The following AGAP1 variants were observed in gnomAD, a reference collection of about 807,000 sequenced individuals.
AGAP1 encodes arf-GAP with GTPase, ANK repeat and PH domain-containing protein 1.
A neutral mutation model predicts 105.3 loss-of-function variants in AGAP1; 29 were observed. That is an observed-to-expected ratio of 0.28 (90% CI 0.21 to 0.38). The LOEUF is 0.38. AGAP1 is among the 10% of genes least tolerant of loss of function. The probability of loss-of-function intolerance (pLI) is 1.00; values close to 1 mark genes in which losing one functional copy is unlikely to be tolerated. For synonymous variants in AGAP1, 509 were observed against 485.9 expected (o/e 1.05, Z -0.63); for missense variants, 998 against 1,165.1 (o/e 0.86, Z 2.09).
chr2:235,825,902 G>A (rs748960230), intron 9 of AGAP1, among the ~76,000 whole-genome samples: 15 of 152,092 alleles, frequency 9.9e-5, no homozygotes, highest in Non-Finnish European at 2.1e-4. Flanking sequence ...ATGAGAGGAT[G>A]GAGACCTTAT....
In AGAP1 at chr2:235,845,536, G is replaced by T. The variant is rs1179011493; in HGVS notation, c.1051-37809G>T. On this transcript the variant is annotated intron_variant, in intron 9 of 17. Transcript: ENST00000304032. The surrounding 1 kb of genome is among the most constrained non-coding windows in gnomAD (Gnocchi z 4.8). Reference sequence around the variant, plus strand: ...GTGGGGTCACCACTATCCACCGACAGCCCAGCCGGTCGACAGCAGACCTTT... The same window carrying T: ...GTGGGGTCACCACTATCCACCGACATCCCAGCCGGTCGACAGCAGACCTTT... Among the ~76,000 whole-genome samples the T allele has an allele frequency of 2.0e-5, 3 of 152,042 alleles. No individual in the cohort carries two copies. Among genetic ancestry groups the T allele is most frequent in the Non-Finnish European group, 4.4e-5 (3 of 68,000 alleles).
intron 1 of AGAP1, among the ~76,000 whole-genome samples, chr2:235,687,587 G>A (rs1468350440): frequency 6.6e-5 from 10 of 152,186 alleles, no homozygotes; most frequent in Non-Finnish European, 4.4e-5. Context: ...TAAACATGCA[G>A]ATAAAAACTT....
intron 5 of AGAP1, among the ~76,000 whole-genome samples, chr2:235,748,293 G>A (rs761559037): frequency 6.6e-6 from 1 of 152,168 alleles, no homozygotes; most frequent in African/African-American, 2.4e-5. Context: ...GGGATTGCTC[G>A]GCCGCAGGTC....
intron 1 of AGAP1, among the ~76,000 whole-genome samples, chr2:235,585,807 G>C (rs1437894736): frequency 6.6e-6 from 1 of 152,140 alleles, no homozygotes; most frequent in Non-Finnish European, 1.5e-5. Context: ...CTTACCTTCT[G>C]CTGCTGTGTT....
Position 236,095,301 on chromosome 2 carries a change from G to A in AGAP1, c.2115-24891G>A, listed in dbSNP as rs1471102201. Among the ~76,000 whole-genome samples the A allele has an allele frequency of 4.0e-5, 6 of 151,820 alleles. No individual in the cohort carries two copies. The highest frequency in any genetic ancestry group is 8.8e-5 in the Non-Finnish European group (6 of 67,910). Reference sequence around the variant, plus strand: ...GGTCCCAGCTACTCGGGAGGCTGAGGTGGGAGGATCACTGGAGCCCAGGAA... The same window carrying A: ...GGTCCCAGCTACTCGGGAGGCTGAGATGGGAGGATCACTGGAGCCCAGGAA... On this transcript the variant is annotated intron_variant, in intron 16 of 17. Transcript: ENST00000304032. This position sits in a 1 kb window ranked among gnomAD's most constrained non-coding sequence, Gnocchi z 4.1.
At chr2:235,811,404 T>C (rs775920684) in intron 9 of AGAP1, among the ~76,000 whole-genome samples, 15 of 152,212 alleles carry the variant, frequency 9.9e-5, no homozygotes, top group Non-Finnish European at 2.1e-4. Context: ...AGCGTATCAT[T>C]TTTACTTGGT....
intron 1 of AGAP1, among the ~76,000 whole-genome samples, chr2:235,539,439 A>G (rs540482735): frequency 6.6e-6 from 1 of 152,260 alleles, no homozygotes; most frequent in South Asian, 2.1e-4. Flanking sequence ...CTGCCTTGTG[A>G]GGGGTGCTGG....
At chr2:235,669,639 C>CCGCGT (rs1435414922) in intron 1 of AGAP1, 2 of 148,926 alleles carry the variant, frequency 1.3e-5, no homozygotes, top group African/African-American at 2.4e-5. Flanking sequence ...CCGCCGCCCG[C>CCGCGT]CACCCGCCAC....
rs932559868 is a variant in AGAP1 at position 235,789,612 on chromosome 2, G to C, written c.674-8147G>C. On this transcript the variant is annotated intron_variant, in intron 6 of 17. Transcript: ENST00000304032. The surrounding 1 kb of genome is among the most constrained non-coding windows in gnomAD (Gnocchi z 4.2). Reference sequence around the variant, plus strand: ...AACCACAGCCTATTTTAGATTAGAGGGTTGTTTGCTCAAAAAAAAAATACA... The same window carrying C: ...AACCACAGCCTATTTTAGATTAGAGCGTTGTTTGCTCAAAAAAAAAATACA... Among the ~76,000 whole-genome samples, 3 of 151,540 alleles carry C rather than the reference G, an allele frequency of 2.0e-5. No individual in the cohort carries two copies. The highest frequency in any genetic ancestry group is 7.3e-5 in the African/African-American group (3 of 41,030).
intron 13 of AGAP1, among the ~76,000 whole-genome samples, chr2:235,984,875 C>T (rs557840649): frequency 1.3e-5 from 2 of 152,080 alleles, no homozygotes; most frequent in East Asian, 1.9e-4. Flanking sequence ...GGGTTTGTTC[C>T]ATGTCTTTGC....
Position 236,042,395 on chromosome 2 carries a change from C to T in AGAP1, c.1891+1554C>T, listed in dbSNP as rs561278233. Among the ~76,000 whole-genome samples the T allele has an allele frequency of 6.6e-6, 1 of 152,294 alleles. No homozygotes were observed. The highest frequency in any genetic ancestry group is 1.9e-4 in the East Asian group (1 of 5,180). On this transcript the variant is annotated intron_variant, in intron 15 of 17. Coordinates refer to ENST00000304032, the MANE Select transcript of AGAP1 (RefSeq NM_001037131.3). The surrounding 1 kb of genome is among the most constrained non-coding windows in gnomAD (Gnocchi z 5.6). The stretch of plus-strand genomic sequence containing the variant: ...GTTCTTCTCCAGGTATCTTGAGGTT[C>T]TTCTTTAAAGTACCTCCTTATGTTT...
rs5839611 is a variant in AGAP1 at position 235,889,546 on chromosome 2, C to CTTTT, written c.1155+6110_1155+6113dup. 7.1e-5 allele frequency among the ~76,000 whole-genome samples: 10 copies of CTTTT among 140,978 alleles called. No homozygotes were observed. The highest frequency in any genetic ancestry group is 7.7e-5 in the Non-Finnish European group (5 of 64,846). The allele number at this position is 140,978 out of a possible 152,430, so 92.5% of individuals were successfully genotyped here. On this transcript the variant is annotated intron_variant, in intron 10 of 17. Coordinates refer to ENST00000304032, the MANE Select transcript of AGAP1 (RefSeq NM_001037131.3). This position sits in a 1 kb window ranked among gnomAD's most constrained non-coding sequence, Gnocchi z 4.6. ...CGTCATCCCCCAAAAGTGTCTTTGC[C>CTTTT]TTTTTTTTTTTTTTTTAGCCCTGAG...
At position 235,557,135 on chromosome 2, in the gene AGAP1, C is replaced by T. The variant is rs1667496281; in HGVS notation, c.163+62286C>T. On this transcript the variant is annotated intron_variant, in intron 1 of 17. Transcript: ENST00000304032. The surrounding 1 kb of genome is among the most constrained non-coding windows in gnomAD (Gnocchi z 4.7). ...GGTCTGGTTGTCTTGCTGACCTGGT[C>T]TGCCTCCTGCTTGCTTCCATAGCAG... Among the ~76,000 whole-genome samples the T allele has an allele frequency of 6.6e-6, 1 of 151,984 alleles. No individual in the cohort carries two copies. The highest frequency in any genetic ancestry group is 2.4e-5 in the African/African-American group (1 of 41,366).
chr2:235,857,634 A>C (rs1395632151), intron 9 of AGAP1, among the ~76,000 whole-genome samples: 1 of 152,338 alleles, frequency 6.6e-6, no homozygotes, highest in Non-Finnish European at 1.5e-5. Context: ...CTGTTTCTCC[A>C]CATATACACC....
intron 1 of AGAP1, among the ~76,000 whole-genome samples, chr2:235,648,818 C>T (rs569186544): frequency 1.3e-5 from 2 of 150,900 alleles, no homozygotes; most frequent in Non-Finnish European, 2.9e-5. Context: ...ACCTGGGAGG[C>T]GGAGGTTGCA....
chr2:236,071,607 T>C (rs1179039380), intron 16 of AGAP1, among the ~76,000 whole-genome samples: 1 of 152,210 alleles, frequency 6.6e-6, no homozygotes, highest in Non-Finnish European at 1.5e-5. Flanking sequence ...GAATCTGCAG[T>C]GCGATGCAGG....
chr2:235,878,955 C>G (rs57189949), intron 9 of AGAP1, among the ~76,000 whole-genome samples: 3 of 152,182 alleles, frequency 2.0e-5, no homozygotes, highest in African/African-American at 7.2e-5. Context: ...AGCTGAAGTT[C>G]AAGACCAAAA....
intron 13 of AGAP1, among the ~76,000 whole-genome samples, chr2:236,015,567 A>G (rs993312510): frequency 1.4e-5 from 2 of 146,938 alleles, no homozygotes; most frequent in Admixed American, 6.7e-5. Context: ...CTTTTTTTTT[A>G]TGATTACAAA....
rs184589433 is a variant in AGAP1 at position 235,858,990 on chromosome 2, C to A, written c.1051-24355C>A. Among the ~76,000 whole-genome samples, 600 of 152,322 alleles carry A rather than the reference C, an allele frequency of 3.9e-3. 2 individuals are homozygous for A. Among genetic ancestry groups the A allele is most frequent in the South Asian group, 0.013 (65 of 4,822 alleles). ...ATGGCAAAAATTAATAAATTGTCTT[C>A]TAAATAGAATGGACACTTAAGAAAA... On this transcript the variant is annotated intron_variant, in intron 9 of 17. Transcript: ENST00000304032.
Sources: allele counts gnomAD v4.1 joint callset (sites outside exome capture counted in the v4.1 genomes callset), GRCh38; gene constraint gnomAD v4.1.1; non-coding constraint Gnocchi (gnomAD v3.1); transcripts MANE v1.5; gene names NCBI Gene and HGNC (gene_info 2026-07-23, HGNC 2026-07-21).